The following RASIP1 variants were observed in gnomAD, a reference collection of about 807,000 sequenced individuals.
RASIP1 encodes the protein Ras interacting protein 1, also known as ras-interacting protein 1.
RASIP1 carries 20 observed loss-of-function variants against 85.3 expected under a neutral mutation model. The ratio of observed to expected loss-of-function variants is 0.23; its 90% confidence interval spans 0.17 to 0.34. The LOEUF (loss-of-function observed/expected upper bound fraction) is 0.34, where lower values mean the gene tolerates loss of function less well. Ranked by LOEUF, RASIP1 falls within the 10% of genes least tolerant of loss-of-function variation. RASIP1 has a pLI of 1.00. For synonymous variants in RASIP1, 617 were observed against 647.1 expected (o/e 0.95, Z 0.71); for missense variants, 1,170 against 1,390.9 (o/e 0.84, Z 2.53).
Position 48,724,699 on chromosome 19 carries a change from C to A in RASIP1, c.2371+18G>T, listed in dbSNP as rs199721800. The A allele has an allele frequency of 7.4e-6, 12 of 1,613,694 alleles. No homozygotes were observed. The East Asian group carries it at 2.5e-4, about 33-fold the overall frequency. ...GCTCCTGTCTTTGCCTCCCTGACAG[C>A]TCCCAGCCAACCTTCACCTCGTTCC... On this transcript the variant is annotated intron_variant, in intron 9 of 11. Transcript: ENST00000222145. This position sits in a 1 kb window ranked among gnomAD's most constrained non-coding sequence, Gnocchi z 4.6.
rs755090488 is a variant in RASIP1, at chr19:48,727,039, A to G, written c.1991T>C (p.Val664Ala). Residue 664 changes from valine (V) to alanine (A), a missense_variant, in exon 7 of 12, where the codon GTG becomes GCG. This residue lies in a region of RASIP1 where 426 missense variants were observed against 576.2 expected (regional missense o/e 0.74). Coordinates refer to ENST00000222145, the MANE Select transcript of RASIP1 (RefSeq NM_017805.3). Reference sequence around the variant, plus strand: ...GTCAGCCTCCTTCTCCATTTCCAGCACCTTCTCCTGCACAAAGCTAAGCAG... The same window carrying G: ...GTCAGCCTCCTTCTCCATTTCCAGCGCCTTCTCCTGCACAAAGCTAAGCAG... ...TELLSFVQEK[V>A]LEMEKEADQE... 14 of 1,613,932 alleles carry G rather than the reference A, an allele frequency of 8.7e-6. No individual in the cohort carries two copies. In the African/African-American group the frequency reaches 1.7e-4, roughly 20 times the overall value.
intron 3 of RASIP1, chr19:48,737,788 G>A: frequency 4.1e-6 from 4 of 984,644 alleles, no homozygotes; most frequent in Non-Finnish European, 4.8e-6. Flanking sequence ...CCCAGACCAC[G>A]CTTTTCCACA....
rs754313593 is a variant in RASIP1 at position 48,724,827 on chromosome 19, G to C, written c.2261C>G (p.Ala754Gly). Residue 754 changes from alanine to glycine, a missense_variant, in exon 9 of 12, where the codon GCC becomes GGC. Ala to Gly is a moderately conservative substitution (Grantham distance 60). Transcript: ENST00000222145. This position sits in a 1 kb window ranked among gnomAD's most constrained non-coding sequence, Gnocchi z 4.6. The stretch of plus-strand genomic sequence containing the variant: ...CTCGCACTGGCTGGTCAGCTCCAAG[G>C]CTGCCTGGAACACGCCCAGGGTAGG... ...LRPTLGVFQA[A>G]LELTSQCELH... The C allele has an allele frequency of 8.7e-6, 14 of 1,614,220 alleles. No individual in the cohort carries two copies. Among genetic ancestry groups the C allele is most frequent in the South Asian group, 2.2e-5 (2 of 91,086 alleles).
chr19:48,727,213 A>G, intron 6 of RASIP1, 55 bp from the exon 7 acceptor site: 1 of 1,604,294 alleles, frequency 6.2e-7, no homozygotes, highest in Non-Finnish European at 8.5e-7. Context: ...CATAGTTTAC[A>G]AACCCCAAGA....
intron 3 of RASIP1, among the ~76,000 whole-genome samples, chr19:48,736,593 A>G (rs2033577238): frequency 1.3e-5 from 2 of 152,072 alleles, no homozygotes; most frequent in Non-Finnish European, 2.9e-5. Flanking sequence ...CTTTTTCTGG[A>G]CCCAGCTGGA....
intron 5 of RASIP1, 36 bp from the exon 6 acceptor site, chr19:48,727,466 G>T (rs754109051): frequency 2.5e-6 from 4 of 1,602,160 alleles, no homozygotes; most frequent in Non-Finnish European, 3.4e-6. Context: ...AGGTGAGGGG[G>T]ATCCACTGAG....
chr19:48,724,516 G>T lies in RASIP1; in HGVS notation c.2372-7C>A, dbSNP rs1371387009. ...TAGAAAGGCCGGCCTTGACCTGTGG[G>T]TGTTAAAGGTATGAGAGGCAGTTGG... is the stretch of plus-strand genomic sequence containing the variant. On this transcript the variant is annotated splice_region_variant and splice_polypyrimidine_tract_variant and intron_variant, in intron 9 of 11. Transcript: ENST00000222145. This position sits in a 1 kb window ranked among gnomAD's most constrained non-coding sequence, Gnocchi z 4.6. 1 of 1,612,338 alleles carries T rather than the reference G, an allele frequency of 6.2e-7. No homozygotes were observed. Among genetic ancestry groups the T allele is most frequent in the East Asian group, 2.2e-5 (1 of 44,840 alleles).
chr19:48,735,891 G>T (rs1407382744), intron 3 of RASIP1, among the ~76,000 whole-genome samples: 1 of 151,492 alleles, frequency 6.6e-6, no homozygotes, highest in Non-Finnish European at 1.5e-5. Flanking sequence ...TGCCTCCCAG[G>T]TTCAAGCAAT....
chr19:48,720,774 C>CG lies in RASIP1; in HGVS notation c.*23dup. On this transcript the variant is annotated 3_prime_UTR_variant, in exon 12 of 12. Coordinates refer to ENST00000222145, the MANE Select transcript of RASIP1 (RefSeq NM_017805.3). ...TAGAAGCCCGTGACATTTCAAGGTT[C>CG]GCGCGCTCGTTTGGTATTGGTTCTC... 1 of 1,611,304 alleles carries CG rather than the reference C, an allele frequency of 6.2e-7. No homozygotes were observed.
In RASIP1 at chr19:48,724,310, G is replaced by T. The variant is rs543619161; in HGVS notation, c.2544+27C>A. 2 of 1,603,640 alleles carry T rather than the reference G, an allele frequency of 1.2e-6. No individual in the cohort carries two copies. The highest frequency in any genetic ancestry group is 2.2e-5 in the South Asian group (2 of 90,384). On this transcript the variant is annotated intron_variant, in intron 10 of 11. Coordinates refer to ENST00000222145, the MANE Select transcript of RASIP1 (RefSeq NM_017805.3). This position sits in a 1 kb window ranked among gnomAD's most constrained non-coding sequence, Gnocchi z 4.6. ...GGGGGTTGAGGAGTCAGAGGTCAGG[G>T]GTCAGGTATAGCTGACCAGGAGTCA...
intron 11 of RASIP1, among the ~76,000 whole-genome samples, chr19:48,721,590 C>T (rs975572382): frequency 6.6e-6 from 1 of 152,176 alleles, no homozygotes; most frequent in Non-Finnish European, 1.5e-5. Flanking sequence ...ATCACGAGGT[C>T]AGGAGTTCGA....
At chr19:48,729,981 C>A (rs1412178375) in intron 4 of RASIP1, among the ~76,000 whole-genome samples, 1 of 152,014 alleles carries the variant, frequency 6.6e-6, no homozygotes, top group East Asian at 1.9e-4. Context: ...TCCCGAAGTG[C>A]TGGGATTACA....
intron 4 of RASIP1, among the ~76,000 whole-genome samples, chr19:48,731,170 A>C (rs1404641714): frequency 6.6e-6 from 1 of 152,176 alleles, no homozygotes; most frequent in Non-Finnish European, 1.5e-5. Flanking sequence ...GCTACTCGGG[A>C]GGCTGAGGCG....
At position 48,724,507 on chromosome 19, in the gene RASIP1, G is replaced by C. The variant is rs201080880; in HGVS notation, c.2374C>G (p.Gln792Glu). 6.2e-7 allele frequency: 1 copy of C among 1,613,750 alleles called. No individual in the cohort carries two copies. The highest frequency in any genetic ancestry group is 2.2e-5 in the East Asian group (1 of 44,858). The stretch of plus-strand genomic sequence containing the variant: ...GACCATTGATAGAAAGGCCGGCCTT[G>C]ACCTGTGGGTGTTAAAGGTATGAGA... ...SLLNSLMERG[Q>E]GRPFYQWSRA... The change falls in exon 10 of 12, where the codon CAA becomes GAA. Residue 792 changes from glutamine to glutamate, a missense_variant and splice_region_variant. Gln to Glu is a conservative substitution (Grantham distance 29). Coordinates refer to ENST00000222145, the MANE Select transcript of RASIP1 (RefSeq NM_017805.3). The surrounding 1 kb of genome is among the most constrained non-coding windows in gnomAD (Gnocchi z 4.6).
chr19:48,728,489 G>T (rs1460305520), intron 5 of RASIP1, among the ~76,000 whole-genome samples: 3 of 152,176 alleles, frequency 2.0e-5, no homozygotes, highest in African/African-American at 7.2e-5. Flanking sequence ...CAAAACACCG[G>T]GTGTGGTGGC....
chr19:48,736,282 A>G (rs2033570799), intron 3 of RASIP1, among the ~76,000 whole-genome samples: 1 of 151,950 alleles, frequency 6.6e-6, no homozygotes, highest in African/African-American at 2.4e-5. Flanking sequence ...AGGTGCCTGT[A>G]GTCCCAGCTA....
chr19:48,732,006 C>G (rs935965243), intron 4 of RASIP1, among the ~76,000 whole-genome samples: 2 of 152,132 alleles, frequency 1.3e-5, no homozygotes, highest in African/African-American at 4.8e-5. Flanking sequence ...ATAGATTCAC[C>G]TGGTATTCCT....
At chr19:48,737,508 C>T in intron 3 of RASIP1, 1 of 985,426 alleles carries the variant, frequency 1.0e-6, no homozygotes, top group African/African-American at 1.7e-5. Flanking sequence ...CAGCCCCTTC[C>T]TTTCCCATGT....
In RASIP1 at chr19:48,728,968, C is replaced by A. The variant is rs968279691; in HGVS notation, c.1802G>T (p.Arg601Leu). The A allele has an allele frequency of 6.8e-7, 1 of 1,460,304 alleles. No homozygotes were observed. The highest frequency in any genetic ancestry group is 1.3e-5 in the South Asian group (1 of 75,968). The allele number at this position is 1,460,304 out of a possible 1,614,324, so 90.5% of individuals were successfully genotyped here. Reference sequence around the variant, plus strand: ...GGCCTCCTTGATGAGCCGGGCCAGGCGGCCCAGCAGTCGTGGCAGGTGGCC... The same window carrying A: ...GGCCTCCTTGATGAGCCGGGCCAGGAGGCCCAGCAGTCGTGGCAGGTGGCC... Reference protein sequence around the residue: ...ELGHLPRLLGRLARLIKEAVW... With the variant: ...ELGHLPRLLGLLARLIKEAVW... The change falls in exon 5 of 12, where the codon CGC (arginine) becomes CTC (leucine). Residue 601 changes from arginine to leucine, a missense_variant. Around this residue, in one of 4 missense-constraint regions of RASIP1, gnomAD observed 426 missense variants for 576.2 expected, o/e 0.74. Transcript: ENST00000222145.
Sources: gnomAD v4.1 joint callset for allele counts (sites outside exome capture counted in the v4.1 genomes callset) on GRCh38, gnomAD v4.1.1 for gene constraint, gnomAD v4.1.1 regional missense constraint, Gnocchi (gnomAD v3.1) non-coding constraint, MANE v1.5 for transcripts, NCBI Gene and HGNC (gene_info 2026-07-23, HGNC 2026-07-21) for gene names.